Variants in SCAMP1 observed in about 807,000 individuals in gnomAD.
SCAMP1 encodes secretory carrier membrane protein 1, also known as secretory carrier-associated membrane protein 1.
In SCAMP1, 15 loss-of-function variants were observed where a neutral mutation model predicts 41.8. The observed-to-expected ratio is 0.36, with a 90% CI of 0.24 to 0.55. The LOEUF is 0.55. SCAMP1 is among the 20% of genes least tolerant of loss of function. SCAMP1 has a pLI of 0.86. For synonymous variants in SCAMP1, 135 were observed against 136.8 expected, an observed-to-expected ratio of 0.99 and a Z score of 0.09; for missense variants, 341 against 412.6, an observed-to-expected ratio of 0.83 and a Z score of 1.50.
At chr5:78,393,243 C>T (rs367855085) in intron 2 of SCAMP1, among the ~76,000 whole-genome samples, 5 of 152,150 alleles carry the variant, frequency 3.3e-5, no homozygotes, top group East Asian at 1.9e-4. Flanking sequence ...GTGGCACAGT[C>T]GTTGCTCATT....
chr5:78,468,052 C>T (rs1294184513), intron 8 of SCAMP1, among the ~76,000 whole-genome samples: 1 of 152,092 alleles, frequency 6.6e-6, no homozygotes, highest in African/African-American at 2.4e-5. Context: ...GGTAAATGTG[C>T]TCTGTCCTAT....
intron 8 of SCAMP1, among the ~76,000 whole-genome samples, chr5:78,466,660 A>G (rs887800481): frequency 6.6e-6 from 1 of 152,214 alleles, no homozygotes; most frequent in Admixed American, 6.5e-5. Context: ...TTTATCCTAC[A>G]GGGTCTTGTT....
At chr5:78,418,675 T>C (rs1378931144) in intron 4 of SCAMP1, 100 bp from the exon 5 acceptor site, 2 of 763,980 alleles carry the variant, frequency 2.6e-6, no homozygotes, top group Non-Finnish European at 4.1e-6. Flanking sequence ...TTCTGAACTT[T>C]TGTTAACATA....
intron 8 of SCAMP1, among the ~76,000 whole-genome samples, chr5:78,469,329 G>C (rs1753817658): frequency 6.6e-6 from 1 of 151,984 alleles, no homozygotes; most frequent in Non-Finnish European, 1.5e-5. Context: ...GGTTCACATT[G>C]TCTATTAAAA....
intron 8 of SCAMP1, among the ~76,000 whole-genome samples, chr5:78,460,073 C>T (rs1053189779): frequency 3.3e-5 from 5 of 152,084 alleles, no homozygotes; most frequent in Non-Finnish European, 4.4e-5. Flanking sequence ...TATGTTGCTA[C>T]GAAGGACATA....
At chr5:78,424,008 C>T (rs2112152527) in intron 6 of SCAMP1, among the ~76,000 whole-genome samples, 1 of 152,156 alleles carries the variant, frequency 6.6e-6, no homozygotes, top group South Asian at 2.1e-4. Context: ...CCATGCCTGG[C>T]TAATTTTGTA....
intron 1 of SCAMP1, among the ~76,000 whole-genome samples, chr5:78,364,744 A>T (rs1486378104): frequency 6.6e-6 from 1 of 152,078 alleles, no homozygotes; most frequent in Non-Finnish European, 1.5e-5. Flanking sequence ...TTTGACACTA[A>T]CTGGTTGTGA....
intron 1 of SCAMP1, among the ~76,000 whole-genome samples, chr5:78,386,641 T>C (rs546087701): frequency 1.3e-5 from 2 of 152,296 alleles, no homozygotes; most frequent in South Asian, 4.1e-4. Flanking sequence ...TCATAGTTTT[T>C]GTAGTGCTGG....
chr5:78,429,427 G>A (rs1181237132), intron 6 of SCAMP1, among the ~76,000 whole-genome samples: 2 of 151,246 alleles, frequency 1.3e-5, no homozygotes, highest in Non-Finnish European at 2.9e-5. Flanking sequence ...ATGATCTGTG[G>A]AGATAATCAT....
In SCAMP1 at chr5:78,421,846, G is replaced by C. The variant is rs1404081113; in HGVS notation, c.518G>C (p.Trp173Ser). 6.2e-7 allele frequency: 1 copy of C among 1,613,742 alleles called. No individual in the cohort carries two copies. Among genetic ancestry groups the C allele is most frequent in the South Asian group, 1.1e-5 (1 of 91,064 alleles). The change falls in exon 6 of 9, where the codon TGG (tryptophan) becomes TCG (serine). Residue 173 changes from tryptophan (W) to serine (S), a missense_variant. Coordinates refer to ENST00000621999, the MANE Select transcript of SCAMP1 (RefSeq NM_004866.6). ...CTAAATATCTTCGGATGCTTGGCTT[G>C]GTTTTGTGTTGATTCTGCAAGAGCG... ...LFLNIFGCLA[W>S]FCVDSARAVD...
In SCAMP1 at chr5:78,368,761, G is replaced by A. The variant is rs190670545; in HGVS notation, c.57+8033G>A. On this transcript the variant is annotated intron_variant, in intron 1 of 8. Transcript: ENST00000621999. Reference sequence around the variant, plus strand: ...TTACTCAGTGGATTTAGTCTACAGAGGGCTAAAGGGAAATAGGAGAGCTCC... The same window carrying A: ...TTACTCAGTGGATTTAGTCTACAGAAGGCTAAAGGGAAATAGGAGAGCTCC... 3.5e-3 allele frequency among the ~76,000 whole-genome samples: 529 copies of A among 152,196 alleles called. 6 individuals are homozygous for A. Among genetic ancestry groups the A allele is most frequent in the African/African-American group, 0.012 (512 of 41,536 alleles).
chr5:78,374,033 G>A (rs1204037432), intron 1 of SCAMP1, among the ~76,000 whole-genome samples: 2 of 152,038 alleles, frequency 1.3e-5, no homozygotes, highest in Admixed American at 1.3e-4. Context: ...CATTGAAGAT[G>A]GAGTAAGAGT....
intron 1 of SCAMP1, among the ~76,000 whole-genome samples, chr5:78,363,739 CCTT>C (rs1418528642): frequency 6.6e-6 from 1 of 152,092 alleles, no homozygotes; most frequent in Non-Finnish European, 1.5e-5. Flanking sequence ...AGTCTATTCT[CCTT>C]ATATAATATA....
At chr5:78,390,657 CTT>C (rs1003765684) in intron 2 of SCAMP1, among the ~76,000 whole-genome samples, 6 of 137,408 alleles carry the variant, frequency 4.4e-5, no homozygotes, top group African/African-American at 5.3e-5. Flanking sequence ...ATTTTTTTTT[CTT>C]TTTTTTTTTT....
At chr5:78,393,475 A>G (rs1243263758) in intron 2 of SCAMP1, among the ~76,000 whole-genome samples, 12 of 152,208 alleles carry the variant, frequency 7.9e-5, no homozygotes, top group South Asian at 4.1e-4. Context: ...CTTGGCCTGC[A>G]TAATTTTATA....
chr5:78,365,989 G>T (rs546574414), intron 1 of SCAMP1, among the ~76,000 whole-genome samples: 1 of 152,198 alleles, frequency 6.6e-6, no homozygotes, highest in African/African-American at 2.4e-5. Context: ...ATAAACAACA[G>T]AAATTTATTG....
At chr5:78,427,590 G>A (rs1238324445) in intron 6 of SCAMP1, among the ~76,000 whole-genome samples, 3 of 151,974 alleles carry the variant, frequency 2.0e-5, no homozygotes, top group Middle Eastern at 3.4e-3. Context: ...TTTTTAAAAC[G>A]TGTCTAAATT....
chr5:78,457,547 G>C (rs1456894079), intron 7 of SCAMP1, among the ~76,000 whole-genome samples: 1 of 152,204 alleles, frequency 6.6e-6, no homozygotes, highest in Non-Finnish European at 1.5e-5. Context: ...CCCGTTCTCA[G>C]ATCTCCAGCT....
At chr5:78,401,781 A>G (rs751002220) in intron 2 of SCAMP1, among the ~76,000 whole-genome samples, 14 of 152,024 alleles carry the variant, frequency 9.2e-5, no homozygotes, top group Non-Finnish European at 1.9e-4. Context: ...TGAAAAAGCC[A>G]GGTTTTCATT....
Sources: allele counts gnomAD v4.1 joint callset (sites outside exome capture counted in the v4.1 genomes callset), GRCh38; gene constraint gnomAD v4.1.1; transcripts MANE v1.5; gene names NCBI Gene and HGNC (gene_info 2026-07-23, HGNC 2026-07-21).